GNL1: variants seen among roughly 807,000 people sequenced by gnomAD.
The protein encoded by GNL1 is G protein nucleolar 1, also known as guanine nucleotide-binding protein-like 1.
In GNL1, 21 loss-of-function variants were observed where a neutral mutation model predicts 75.2. That is an observed-to-expected ratio of 0.28 (90% CI 0.20 to 0.40). The LOEUF is 0.40. Among genes scored for constraint, GNL1 ranks in the 10% least tolerant of loss-of-function variants. The pLI is 1.00. For synonymous variants in GNL1, 287 were observed against 303.4 expected (o/e 0.95, Z 0.56); for missense variants, 579 against 775.0 (o/e 0.75, Z 3.00).
Position 30,547,107 on chromosome 6 carries a change from C to T in GNL1, c.1441+5G>A. On this transcript the variant is annotated splice_donor_5th_base_variant and intron_variant, in intron 10 of 11. Transcript: ENST00000376621. The surrounding 1 kb of genome is among the most constrained non-coding windows in gnomAD (Gnocchi z 5.5). Reference sequence around the variant, plus strand: ...GTGGGGCGAAGCCAGGCACATGGAACTCACCTTCACAGATGTCCCAGGCAC... The same window carrying T: ...GTGGGGCGAAGCCAGGCACATGGAATTCACCTTCACAGATGTCCCAGGCAC... 2 of 1,610,810 alleles carry T rather than the reference C, an allele frequency of 1.2e-6. No individual in the cohort carries two copies. Among genetic ancestry groups the T allele is most frequent in the Non-Finnish European group, 1.7e-6 (2 of 1,179,102 alleles).
At position 30,552,043 on chromosome 6, in the gene GNL1, T is replaced by C. The variant is rs77293037; in HGVS notation, c.1099+424A>G. On this transcript the variant is annotated intron_variant, in intron 8 of 11. Transcript: ENST00000376621. This position sits in a 1 kb window ranked among gnomAD's most constrained non-coding sequence, Gnocchi z 4.5. ...ACACTTGGCTAGTTTTCTTTATCTT[T>C]TGTAAAGATGGGGTTTCACTATGTT... 4,619 of 165,266 alleles carry C rather than the reference T, an allele frequency of 0.028. 144 individuals are homozygous for C. Among genetic ancestry groups the C allele is most frequent in the African/African-American group, 0.077 (3,210 of 41,946 alleles). 10.2% of individuals were successfully genotyped at this position (165,266 alleles called of 1,614,324 possible).
rs777848303 is a variant in GNL1 at position 30,552,679 on chromosome 6, A to C, written c.905-18T>G. Reference sequence around the variant, plus strand: ...CAAGTCCACTGCTCAAAGAAGGAGAAGATTAAAGAGGTTCTCCCCAGGGCT... The same window carrying C: ...CAAGTCCACTGCTCAAAGAAGGAGACGATTAAAGAGGTTCTCCCCAGGGCT... On this transcript the variant is annotated intron_variant, in intron 7 of 11. Coordinates refer to ENST00000376621, the MANE Select transcript of GNL1 (RefSeq NM_005275.5). The surrounding 1 kb of genome is among the most constrained non-coding windows in gnomAD (Gnocchi z 4.5). 15 of 1,606,524 alleles carry C rather than the reference A, an allele frequency of 9.3e-6. No individual in the cohort carries two copies. The South Asian group carries it at 1.7e-4, about 18-fold the overall frequency.
Position 30,554,891 on chromosome 6 carries a change from G to A in GNL1, c.401C>T (p.Pro134Leu), listed in dbSNP as rs570059304. The A allele has an allele frequency of 6.2e-7, 1 of 1,612,802 alleles. No homozygotes were observed. Among genetic ancestry groups the A allele is most frequent in the African/African-American group, 1.3e-5 (1 of 75,018 alleles). The change falls in exon 4 of 12, where the codon CCT (proline) becomes CTT (leucine). Residue 134 changes from proline (P) to leucine (L), a missense_variant. Coordinates refer to ENST00000376621, the MANE Select transcript of GNL1 (RefSeq NM_005275.5). ...CTCCTTGGACATCTCATAGCTCCAA[G>A]GAGGACGTCGAGGAAAGTCCAGAAC... The part of the protein sequence containing the change: ...GSVLDFPRRP[P>L]WSYEMSKEQL...
Position 30,546,359 on chromosome 6 carries a change from G to T in GNL1, c.1583-46C>A, listed in dbSNP as rs1205136301. ...AAAAATGGAGGAGAGTTTTGAGCAA[G>T]AACTAAAGCCAAGGAAAGATGGGGA... On this transcript the variant is annotated intron_variant, in intron 11 of 11. Coordinates refer to ENST00000376621, the MANE Select transcript of GNL1 (RefSeq NM_005275.5). The surrounding 1 kb of genome is among the most constrained non-coding windows in gnomAD (Gnocchi z 5.1). 1 of 1,223,402 alleles carries T rather than the reference G, an allele frequency of 8.2e-7. No individual in the cohort carries two copies. Among genetic ancestry groups the T allele is most frequent in the Non-Finnish European group, 1.2e-6 (1 of 850,832 alleles). The allele number at this position is 1,223,402 out of a possible 1,614,324, so 75.8% of individuals were successfully genotyped here. A position where few individuals can be genotyped will look rare whatever the true frequency, so the allele number is the denominator to read the frequency against.
Position 30,555,846 on chromosome 6 carries a change from C to A in GNL1, c.74-126G>T. ...TCCGATGTTCAGTCCTCCCAGACAC[C>A]CTATTTGGGACCCTCCCGGATGTGC... On this transcript the variant is annotated intron_variant, in intron 1 of 11. Transcript: ENST00000376621. The surrounding 1 kb of genome is among the most constrained non-coding windows in gnomAD (Gnocchi z 4.3). 9.4e-7 allele frequency: 1 copy of A among 1,064,676 alleles called. No homozygotes were observed. Among genetic ancestry groups the A allele is most frequent in the Non-Finnish European group, 1.4e-6 (1 of 732,320 alleles). 66.0% of individuals were successfully genotyped at this position (1,064,676 alleles called of 1,614,324 possible). A position where few individuals can be genotyped will look rare whatever the true frequency, so the allele number is the denominator to read the frequency against.
At chr6:30,549,307 CCTT>C in intron 8 of GNL1, among the ~76,000 whole-genome samples, 1 of 152,222 alleles carries the variant, frequency 6.6e-6, no homozygotes, top group Admixed American at 6.5e-5. Context: ...CGCCACTCAT[CCTT>C]CTTGATCATA....
In GNL1 at chr6:30,552,493, T is replaced by C; in HGVS notation, c.1073A>G (p.Asp358Gly). 2 of 1,613,884 alleles carry C rather than the reference T, an allele frequency of 1.2e-6. No individual in the cohort carries two copies. Among genetic ancestry groups the C allele is most frequent in the Admixed American group, 1.7e-5 (1 of 60,016 alleles). The part of the protein sequence containing the change: ...PTGPTQERYK[D>G]GVVTIGCVGF... ...CACACAGCCGATGGTCACCACCCCATCCTTGTAGCGCTCTTGGGTTGGGCC... is the reference window on the plus strand; with the variant it reads ...CACACAGCCGATGGTCACCACCCCACCCTTGTAGCGCTCTTGGGTTGGGCC... The change falls in exon 8 of 12, where the codon GAT becomes GGT. Residue 358 changes from aspartate to glycine, a missense_variant. By Grantham distance (94) the Asp-to-Gly change is moderately conservative. Transcript: ENST00000376621. The surrounding 1 kb of genome is among the most constrained non-coding windows in gnomAD (Gnocchi z 4.5).
chr6:30,546,541 C>T lies in GNL1; in HGVS notation c.1582+155G>A. 1 of 724,238 alleles carries T rather than the reference C, an allele frequency of 1.4e-6. No homozygotes were observed. Among genetic ancestry groups the T allele is most frequent in the East Asian group, 2.5e-5 (1 of 39,606 alleles). 44.9% of individuals were successfully genotyped at this position (724,238 alleles called of 1,614,324 possible). On this transcript the variant is annotated intron_variant, in intron 11 of 11. Transcript: ENST00000376621. The surrounding 1 kb of genome is among the most constrained non-coding windows in gnomAD (Gnocchi z 5.1). ...ACTATGCTAAGGGTCAATTATTACC[C>T]TCAGTTTGCAGATCAGGAAAATATC...
intron 5 of GNL1, among the ~76,000 whole-genome samples, chr6:30,554,064 C>T (rs986844781): frequency 6.6e-6 from 1 of 152,164 alleles, no homozygotes; most frequent in African/African-American, 2.4e-5. Flanking sequence ...TATTAAGGAC[C>T]TCCAACCTAA....
At position 30,545,966 on chromosome 6, in the gene GNL1, C is replaced by G; in HGVS notation, c.*106G>C. ...CTCAGTTCATCTGGGGAAGGGGCTA[C>G]AAAGCAAACAATCTTTATTCACAAT... is the stretch of plus-strand genomic sequence containing the variant. On this transcript the variant is annotated 3_prime_UTR_variant, in exon 12 of 12. Transcript: ENST00000376621. 1 of 834,878 alleles carries G rather than the reference C, an allele frequency of 1.2e-6. No individual in the cohort carries two copies. The highest frequency in any genetic ancestry group is 1.9e-6 in the Non-Finnish European group (1 of 517,376). 51.7% of individuals were successfully genotyped at this position (834,878 alleles called of 1,614,324 possible). A position where few individuals can be genotyped will look rare whatever the true frequency, so the allele number is the denominator to read the frequency against.
In GNL1 at chr6:30,545,996, G is replaced by A; in HGVS notation, c.*76C>T. 1 of 988,694 alleles carries A rather than the reference G, an allele frequency of 1.0e-6. No homozygotes were observed. The highest frequency in any genetic ancestry group is 1.5e-6 in the Non-Finnish European group (1 of 647,206). 61.2% of individuals were successfully genotyped at this position (988,694 alleles called of 1,614,324 possible). Reference sequence around the variant, plus strand: ...CAAACAATCTTTATTCACAATTGGGGTGGCAGAGGGGAGATACCCCCAGGT... The same window carrying A: ...CAAACAATCTTTATTCACAATTGGGATGGCAGAGGGGAGATACCCCCAGGT... On this transcript the variant is annotated 3_prime_UTR_variant, in exon 12 of 12. Transcript: ENST00000376621.
chr6:30,547,263 C>T lies in GNL1; in HGVS notation c.1290G>A (p.Gly430=). Residue 430 remains glycine (G), a synonymous_variant, in exon 10 of 12, where the codon GGG becomes GGA. Transcript: ENST00000376621. This position sits in a 1 kb window ranked among gnomAD's most constrained non-coding sequence, Gnocchi z 5.5. ...LLPRQLQVLA[G]IYPIAQIQEP... ...CCTGGATCTGGGCGATAGGGTAGATCCCTGCCAGAACCTGAGGGAAATGAG... is the reference window on the plus strand; with the variant it reads ...CCTGGATCTGGGCGATAGGGTAGATTCCTGCCAGAACCTGAGGGAAATGAG... The T allele has an allele frequency of 6.3e-7, 1 of 1,595,158 alleles. No homozygotes were observed. The highest frequency in any genetic ancestry group is 2.2e-5 in the East Asian group (1 of 44,668).
Position 30,546,284 on chromosome 6 carries a change from C to T in GNL1, c.1612G>A (p.Glu538Lys). 1 of 1,595,356 alleles carries T rather than the reference C, an allele frequency of 6.3e-7. No individual in the cohort carries two copies. The highest frequency in any genetic ancestry group is 8.5e-7 in the Non-Finnish European group (1 of 1,171,998). Residue 538 changes from glutamate (E) to lysine (K), a missense_variant, in exon 12 of 12, where the codon GAG (glutamate) becomes AAG (lysine). Coordinates refer to ENST00000376621, the MANE Select transcript of GNL1 (RefSeq NM_005275.5). This position sits in a 1 kb window ranked among gnomAD's most constrained non-coding sequence, Gnocchi z 5.1. ...ACCCTGCCCTGCAAAACCACCAGCT[C>T]CGTGGTCTCTGGATGGGACTCCCAG... ...GTWESHPETT[E>K]LVVLQGRVGP...
At chr6:30,549,108 G>T (rs1310388796) in intron 8 of GNL1, among the ~76,000 whole-genome samples, 3 of 151,898 alleles carry the variant, frequency 2.0e-5, no homozygotes, top group Non-Finnish European at 2.9e-5. Flanking sequence ...AGCGATTCTC[G>T]TGCCTCAACC....
rs904199430 is a variant in GNL1, at chr6:30,552,383, G to C, written c.1099+84C>G. 2 of 1,206,102 alleles carry C rather than the reference G, an allele frequency of 1.7e-6. No homozygotes were observed. Among genetic ancestry groups the C allele is most frequent in the Non-Finnish European group, 2.4e-6 (2 of 832,880 alleles). The allele number at this position is 1,206,102 out of a possible 1,614,324, so 74.7% of individuals were successfully genotyped here. A position where few individuals can be genotyped will look rare whatever the true frequency, so the allele number is the denominator to read the frequency against. On this transcript the variant is annotated intron_variant, in intron 8 of 11. Coordinates refer to ENST00000376621, the MANE Select transcript of GNL1 (RefSeq NM_005275.5). The surrounding 1 kb of genome is among the most constrained non-coding windows in gnomAD (Gnocchi z 4.5). The stretch of plus-strand genomic sequence containing the variant: ...CCTCAGACACCCTGGGGCCTAATGA[G>C]ACCTGATCGCCCTCTCTCTTCTCCG...
rs944679333 is a variant in GNL1, at chr6:30,552,784, A to G, written c.905-123T>C. 15 of 834,630 alleles carry G rather than the reference A, an allele frequency of 1.8e-5. No individual in the cohort carries two copies. Among genetic ancestry groups the G allele is most frequent in the Admixed American group, 2.8e-5 (1 of 35,366 alleles). The allele number at this position is 834,630 out of a possible 1,614,324, so 51.7% of individuals were successfully genotyped here. A position where few individuals can be genotyped will look rare whatever the true frequency, so the allele number is the denominator to read the frequency against. ...CTGGAGTTGTACAGTGCCAACCTAA[A>G]TAAGAGCAGGTCAGAGAATCTCCCA... On this transcript the variant is annotated intron_variant, in intron 7 of 11. Transcript: ENST00000376621. This position sits in a 1 kb window ranked among gnomAD's most constrained non-coding sequence, Gnocchi z 4.5.
chr6:30,553,236 C>T (rs1799908634), intron 6 of GNL1, 57 bp from the exon 7 acceptor site: 2 of 1,461,390 alleles, frequency 1.4e-6, no homozygotes, highest in African/African-American at 1.4e-5. Flanking sequence ...TCATCTCTCC[C>T]ACCACCCTTA....
intron 8 of GNL1, among the ~76,000 whole-genome samples, chr6:30,550,263 A>G (rs1799690705): frequency 6.6e-6 from 1 of 152,106 alleles, no homozygotes; most frequent in African/African-American, 2.4e-5. Context: ...CATCTCCACT[A>G]GGGATATTTA....
In GNL1 at chr6:30,555,595, G is replaced by A. The variant is rs376612084; in HGVS notation, c.199C>T (p.Pro67Ser). 6.2e-7 allele frequency: 1 copy of A among 1,613,970 alleles called. No individual in the cohort carries two copies. Among genetic ancestry groups the A allele is most frequent in the South Asian group, 1.1e-5 (1 of 91,080 alleles). Residue 67 changes from proline to serine, a missense_variant, in exon 2 of 12, where the codon CCT becomes TCT. Transcript: ENST00000376621. This position sits in a 1 kb window ranked among gnomAD's most constrained non-coding sequence, Gnocchi z 4.3. ...THHIRRLNQQ[P>S]SQGLGPRGYD... ...CCTCGTGGACCCAGCCCCTGAGAAG[G>A]CTGCTGGTTAAGCCTGCGGATATGA... is the stretch of plus-strand genomic sequence containing the variant.
Sources: allele counts gnomAD v4.1 joint callset (sites outside exome capture counted in the v4.1 genomes callset), GRCh38; gene constraint gnomAD v4.1.1; non-coding constraint Gnocchi (gnomAD v3.1); transcripts MANE v1.5; gene names NCBI Gene and HGNC (gene_info 2026-07-23, HGNC 2026-07-21).